The following SUSD6 variants were observed in gnomAD, a reference collection of about 807,000 sequenced individuals.
SUSD6 encodes the protein sushi domain containing 6, also known as sushi domain-containing protein 6.
SUSD6 carries 16 observed loss-of-function variants against 28.4 expected under a neutral mutation model. The ratio of observed to expected loss-of-function variants is 0.56; its 90% confidence interval spans 0.38 to 0.86. SUSD6 has a LOEUF of 0.86. Ranked by LOEUF, SUSD6 falls within the 40% of genes least tolerant of loss-of-function variation. The pLI is 0.00. For missense variants in SUSD6, 341 were observed against 384.2 expected (o/e 0.89, Z 0.94); for synonymous variants, 147 against 159.6 (o/e 0.92, Z 0.59).
At chr14:69,658,088 T>C (rs1399202337) in intron 1 of SUSD6, among the ~76,000 whole-genome samples, 2 of 152,236 alleles carry the variant, frequency 1.3e-5, no homozygotes, top group Non-Finnish European at 2.9e-5. Context: ...CGGTGTATTC[T>C]CTCTTTACGA....
chr14:69,631,626 TTAA>T (rs993400093), intron 1 of SUSD6, among the ~76,000 whole-genome samples: 1 of 152,134 alleles, frequency 6.6e-6, no homozygotes, highest in Non-Finnish European at 1.5e-5. Flanking sequence ...CAAATGCCAG[TTAA>T]TAATAATAAT....
chr14:69,619,703 C>G (rs1885009320), intron 1 of SUSD6, among the ~76,000 whole-genome samples: 1 of 151,988 alleles, frequency 6.6e-6, no homozygotes, highest in Non-Finnish European at 1.5e-5. Flanking sequence ...CTTGGGAAGT[C>G]AAGACTGCAA....
chr14:69,709,179 T>C, intron 5 of SUSD6, 75 bp downstream of exon 5: 3 of 1,306,404 alleles, frequency 2.3e-6, no homozygotes, highest in South Asian at 3.0e-5. Flanking sequence ...ACTGTGAGCC[T>C]TTCTAAATAA....
intron 1 of SUSD6, among the ~76,000 whole-genome samples, chr14:69,656,501 A>G (rs553897659): frequency 1.4e-4 from 21 of 152,326 alleles, no homozygotes; most frequent in Admixed American, 1.1e-3. Context: ...GCCTCTGAGT[A>G]TATCCCTTAA....
intron 2 of SUSD6, among the ~76,000 whole-genome samples, chr14:69,676,573 T>A (rs115956888): frequency 2.9e-3 from 436 of 152,312 alleles, no homozygotes; most frequent in African/African-American, 0.01. Flanking sequence ...AAAAATTGTT[T>A]TTTTAGAGAT....
rs2139638841 is a variant in SUSD6 at position 69,693,613 on chromosome 14, GTTTGCTACATGAAAA to G, written c.122-9778_122-9764del. Among the ~76,000 whole-genome samples the G allele has an allele frequency of 1.3e-5, 2 of 152,328 alleles. 1 individual carries two copies. Among genetic ancestry groups the G allele is most frequent in the South Asian group, 4.1e-4 (2 of 4,828 alleles). On this transcript the variant is annotated intron_variant, in intron 2 of 5. Coordinates refer to ENST00000342745, the MANE Select transcript of SUSD6 (RefSeq NM_014734.4). ...TCCAAAAATCAGAGATAAGGGTTTA[GTTTGCTACATGAAAA>G]TTTATCAGTGCCTAGTAATGTGCCA...
intron 1 of SUSD6, among the ~76,000 whole-genome samples, chr14:69,621,415 A>C (rs1885039446): frequency 1.3e-5 from 2 of 152,214 alleles, no homozygotes; most frequent in Non-Finnish European, 2.9e-5. Context: ...TGGCAGGAAA[A>C]GAAGTCAGCT....
chr14:69,675,050 C>G (rs1445273627), intron 2 of SUSD6, among the ~76,000 whole-genome samples: 1 of 152,074 alleles, frequency 6.6e-6, no homozygotes, highest in African/African-American at 2.4e-5. Flanking sequence ...CCCCCCACCC[C>G]TCTGCTTTAA....
rs1354078345 is a variant in SUSD6 at position 69,711,215 on chromosome 14, C to T, written c.*236C>T. The T allele has an allele frequency of 3.5e-6, 2 of 577,724 alleles. No homozygotes were observed. Among genetic ancestry groups the T allele is most frequent in the Admixed American group, 3.1e-5 (1 of 32,674 alleles). The allele number at this position is 577,724 out of a possible 1,614,324, so 35.8% of individuals were successfully genotyped here. A position where few individuals can be genotyped will look rare whatever the true frequency, so the allele number is the denominator to read the frequency against. On this transcript the variant is annotated 3_prime_UTR_variant, in exon 6 of 6. Transcript: ENST00000342745. ...CTGGCTCTTTGCCTGGCCCCGCCTT[C>T]CCATCTGTCAGAGACATATTTGAAT...
chr14:69,639,109 AGG>A (rs1885309565), intron 1 of SUSD6, among the ~76,000 whole-genome samples: 3 of 152,176 alleles, frequency 2.0e-5, no homozygotes, highest in Admixed American at 2.0e-4. Context: ...GTGGATCACA[AGG>A]TCAGGAGATT....
At chr14:69,624,187 A>G (rs1354875994) in intron 1 of SUSD6, among the ~76,000 whole-genome samples, 1 of 152,242 alleles carries the variant, frequency 6.6e-6, no homozygotes, top group African/African-American at 2.4e-5. Context: ...CACAATTACC[A>G]TCATGTTAGA....
Position 69,690,756 on chromosome 14 carries a change from G to T in SUSD6, c.122-12639G>T, listed in dbSNP as rs144067345. Among the ~76,000 whole-genome samples, 110 of 152,262 alleles carry T rather than the reference G, an allele frequency of 7.2e-4. 1 individual carries two copies. In the South Asian group the frequency reaches 0.015, roughly 21 times the overall value. On this transcript the variant is annotated intron_variant, in intron 2 of 5. Transcript: ENST00000342745. ...TGTTCAAAACAGAGAATCTCATCCC[G>T]CACAAGATGAAGGAGGAAGAATATC...
intron 1 of SUSD6, among the ~76,000 whole-genome samples, chr14:69,637,136 T>A (rs914684652): frequency 6.6e-6 from 1 of 152,132 alleles, no homozygotes; most frequent in African/African-American, 2.4e-5. Flanking sequence ...TTGATGTGTT[T>A]CTTCTCCTTG....
intron 2 of SUSD6, among the ~76,000 whole-genome samples, chr14:69,694,269 G>T (rs1440822434): frequency 6.6e-6 from 1 of 152,212 alleles, no homozygotes; most frequent in Admixed American, 6.5e-5. Context: ...GAATAATAAA[G>T]CTGCTGTTAT....
In SUSD6 at chr14:69,658,791, G is replaced by A. The variant is rs1421596395; in HGVS notation, c.121+78G>A. 6 of 1,588,450 alleles carry A rather than the reference G, an allele frequency of 3.8e-6. No homozygotes were observed. The African/African-American group carries it at 8.1e-5, about 21-fold the overall frequency. ...GTTTCTCTCGAAGACTAGGACAGGG[G>A]ACTCTCCTCCTGGCAGGCGGTTTCA... On this transcript the variant is annotated intron_variant, in intron 2 of 5. Coordinates refer to ENST00000342745, the MANE Select transcript of SUSD6 (RefSeq NM_014734.4).
intron 2 of SUSD6, among the ~76,000 whole-genome samples, chr14:69,662,109 T>C (rs1294884046): frequency 1.3e-5 from 2 of 152,218 alleles, no homozygotes; most frequent in Non-Finnish European, 2.9e-5. Flanking sequence ...TTACCTGTTC[T>C]TATAGCTGCT....
chr14:69,681,817 G>A lies in SUSD6; in HGVS notation c.122-21578G>A, dbSNP rs1886000768. On this transcript the variant is annotated intron_variant, in intron 2 of 5. Coordinates refer to ENST00000342745, the MANE Select transcript of SUSD6 (RefSeq NM_014734.4). ...AGTCTGTTGCAAACAGGCTAGGTGG[G>A]TATGAATTCTCAAGTTCATGAAAAG... is the stretch of plus-strand genomic sequence containing the variant. 1.3e-5 allele frequency among the ~76,000 whole-genome samples: 2 copies of A among 152,176 alleles called. 1 individual carries two copies. Among genetic ancestry groups the A allele is most frequent in the South Asian group, 4.1e-4 (2 of 4,832 alleles).
rs915567123 is a variant in SUSD6, at chr14:69,631,299, A to T, written c.-81+19471A>T. 3.9e-5 allele frequency among the ~76,000 whole-genome samples: 6 copies of T among 152,222 alleles called. No individual in the cohort carries two copies. The East Asian group carries it at 1.2e-3, about 29-fold the overall frequency. On this transcript the variant is annotated intron_variant, in intron 1 of 5. Coordinates refer to ENST00000342745, the MANE Select transcript of SUSD6 (RefSeq NM_014734.4). Reference sequence around the variant, plus strand: ...TCAGACCTTCCCATCTCTTTTTATAATGATGCCTCCTAGTCCATAGTATAT... The same window carrying T: ...TCAGACCTTCCCATCTCTTTTTATATTGATGCCTCCTAGTCCATAGTATAT...
intron 1 of SUSD6, among the ~76,000 whole-genome samples, chr14:69,644,432 AC>A (rs1288963015): frequency 9.9e-5 from 15 of 152,136 alleles, no homozygotes; most frequent in Admixed American, 2.0e-4. Context: ...CTGGCGGATC[AC>A]GAGGTCAAGA....
Sources: allele counts gnomAD v4.1 joint callset (sites outside exome capture counted in the v4.1 genomes callset), GRCh38; gene constraint gnomAD v4.1.1; transcripts MANE v1.5; gene names NCBI Gene and HGNC (gene_info 2026-07-23, HGNC 2026-07-21).